XIRP2: variants seen among roughly 807,000 people sequenced by gnomAD.
XIRP2 encodes the protein xin actin-binding repeat-containing protein 2.
In XIRP2, 236 loss-of-function variants were observed where a neutral mutation model predicts 277.0. That is an observed-to-expected ratio of 0.85 (90% confidence interval 0.77 to 0.95). The LOEUF is 0.95. Ranked by LOEUF, XIRP2 falls within the 40% of genes least tolerant of loss-of-function variation. XIRP2 has a pLI of 0.00. For missense variants in XIRP2, 4,640 were observed against 4,157.5 expected, an observed-to-expected ratio of 1.12 and a Z score of -3.19; for synonymous variants, 1,490 against 1,416.5, an observed-to-expected ratio of 1.05 and a Z score of -1.17.
intron 2 of XIRP2, 150 bp from the exon 3 acceptor site, chr2:167,135,759 G>A (rs1691526630): frequency 1.4e-6 from 1 of 703,634 alleles, no homozygotes; most frequent in East Asian, 3.0e-5. Context: ...TCTTGGCAAA[G>A]TTATCAACAT....
intron 2 of XIRP2, among the ~76,000 whole-genome samples, chr2:166,960,183 A>G (rs1686265234): frequency 6.6e-6 from 1 of 151,700 alleles, no homozygotes; most frequent in South Asian, 2.1e-4. Context: ...GAATATCACA[A>G]CCTTGGAGGA....
intron 2 of XIRP2, among the ~76,000 whole-genome samples, chr2:166,974,331 A>G (rs1317451626): frequency 6.6e-6 from 1 of 152,176 alleles, no homozygotes; most frequent in East Asian, 1.9e-4. Flanking sequence ...TGCTCTAGAA[A>G]AAGGAATAAA....
chr2:167,232,351 C>A (rs1694782816), intron 5 of XIRP2, among the ~76,000 whole-genome samples: 1 of 151,832 alleles, frequency 6.6e-6, no homozygotes, highest in Non-Finnish European at 1.5e-5. Flanking sequence ...ATGTCAGGAG[C>A]CAGAATGGTT....
rs773622450 is a variant in XIRP2, at chr2:167,243,384, C to T, written c.1992C>T (p.Asp664=). Residue 664 remains aspartate, a synonymous_variant, in exon 9 of 11, where the codon GAC becomes GAT. Coordinates refer to ENST00000409195, the MANE Select transcript of XIRP2 (RefSeq NM_152381.6). ...GGATGTTTGAAACAAGGCCATTGGA[C>T]TCAATGAATAAAATGCATCAAAGTC... ...ARWMFETRPL[D]SMNKMHQSQE... 9.3e-6 allele frequency: 15 copies of T among 1,613,870 alleles called. No homozygotes were observed. The highest frequency in any genetic ancestry group is 1.2e-5 in the Non-Finnish European group (14 of 1,179,974).
chr2:167,156,237 G>GA (rs1309999292), intron 3 of XIRP2, among the ~76,000 whole-genome samples: 1 of 151,974 alleles, frequency 6.6e-6, no homozygotes, highest in Non-Finnish European at 1.5e-5. Context: ...CACAGAATTG[G>GA]AAAAAACTAC....
intron 2 of XIRP2, among the ~76,000 whole-genome samples, chr2:167,084,031 G>T (rs1359554450): frequency 6.6e-6 from 1 of 151,766 alleles, no homozygotes; most frequent in Non-Finnish European, 1.5e-5. Flanking sequence ...TTTTCAAAGG[G>T]AATGCTTCCA....
intron 2 of XIRP2, among the ~76,000 whole-genome samples, chr2:167,050,101 A>T (rs1195734565): frequency 1.3e-5 from 2 of 152,076 alleles, no homozygotes; most frequent in African/African-American, 4.8e-5. Context: ...CATGTGGAAC[A>T]GTATACTATT....
At chr2:167,227,484 T>A (rs1420394736) in intron 5 of XIRP2, among the ~76,000 whole-genome samples, 1 of 152,084 alleles carries the variant, frequency 6.6e-6, no homozygotes, top group Non-Finnish European at 1.5e-5. Context: ...GAGGATCGTT[T>A]GAGGCCAGGA....
At chr2:167,148,403 A>AAG (rs1553491586) in intron 3 of XIRP2, among the ~76,000 whole-genome samples, 1 of 122,392 alleles carries the variant, frequency 8.2e-6, no homozygotes, top group African/African-American at 3.2e-5. Context: ...GAAAGAAAGA[A>AAG]AAAGAAAGAA....
chr2:166,946,196 A>G (rs2105389307), intron 2 of XIRP2, among the ~76,000 whole-genome samples: 1 of 152,332 alleles, frequency 6.6e-6, no homozygotes, highest in African/African-American at 2.4e-5. Context: ...GCCATGAGCT[A>G]AAAGGAGAGT....
At chr2:167,220,589 A>C (rs1694393153) in intron 5 of XIRP2, among the ~76,000 whole-genome samples, 1 of 152,136 alleles carries the variant, frequency 6.6e-6, no homozygotes, top group Non-Finnish European at 1.5e-5. Flanking sequence ...ATTCTCATCC[A>C]AGTTTCCCCC....
At chr2:167,057,782 G>A (rs1356578009) in intron 2 of XIRP2, among the ~76,000 whole-genome samples, 2 of 151,972 alleles carry the variant, frequency 1.3e-5, no homozygotes, top group African/African-American at 2.4e-5. Flanking sequence ...AGAAATATAA[G>A]CCAAAACATA....
At chr2:167,144,056 A>T (rs921338139) in intron 3 of XIRP2, among the ~76,000 whole-genome samples, 16 of 152,050 alleles carry the variant, frequency 1.1e-4, no homozygotes. Context: ...ATTTAATTAT[A>T]AATTTTTAAC....
chr2:167,246,652 G>A lies in XIRP2; in HGVS notation c.5260G>A (p.Ala1754Thr). 1.2e-6 allele frequency: 2 copies of A among 1,613,728 alleles called. No individual in the cohort carries two copies. The highest frequency in any genetic ancestry group is 1.7e-6 in the Non-Finnish European group (2 of 1,179,808). The stretch of plus-strand genomic sequence containing the variant: ...TTTCACAACCTGCATAGAAGCTGGA[G>A]CTTTGGATTATCTGAAACAACTCCA... ...QFFTTCIEAGALDYLKQLHTE... is the reference protein window; with the variant it reads ...QFFTTCIEAGTLDYLKQLHTE... Residue 1754 changes from alanine to threonine, a missense_variant, in exon 9 of 11, where the codon GCT becomes ACT. Transcript: ENST00000409195.
intron 10 of XIRP2, among the ~76,000 whole-genome samples, chr2:167,255,642 T>G (rs1375995285): frequency 1.3e-5 from 2 of 151,862 alleles, no homozygotes; most frequent in African/African-American, 4.8e-5. Flanking sequence ...ATCTTCAGTT[T>G]CAGATCATAT....
chr2:167,203,051 C>T (rs1390143107), intron 3 of XIRP2, among the ~76,000 whole-genome samples: 3 of 152,176 alleles, frequency 2.0e-5, no homozygotes, highest in East Asian at 3.9e-4. Flanking sequence ...CTTTCACTTA[C>T]AAGGACCCTT....
chr2:167,168,828 A>T (rs1021011568), intron 3 of XIRP2, among the ~76,000 whole-genome samples: 7 of 152,030 alleles, frequency 4.6e-5, no homozygotes, highest in African/African-American at 1.2e-4. Flanking sequence ...GTTAGCCAGG[A>T]TGATCTCGAT....
chr2:167,118,039 A>C (rs534966163), intron 2 of XIRP2, among the ~76,000 whole-genome samples: 3 of 152,178 alleles, frequency 2.0e-5, no homozygotes, highest in Non-Finnish European at 4.4e-5. Flanking sequence ...TGGCTTTGGC[A>C]TACATATTTG....
intron 2 of XIRP2, among the ~76,000 whole-genome samples, chr2:166,939,679 C>CAAAAAAAAAAAAAAAAAAAACAAAAA (rs138977006): frequency 2.2e-5 from 2 of 90,650 alleles, no homozygotes; most frequent in South Asian, 3.2e-4. Flanking sequence ...GACTCCATCA[C>CAAAAAAAAAAAAAAAAAAAACAAAAA]AAAAAAAAAA....
Sources: allele counts gnomAD v4.1 joint callset (sites outside exome capture counted in the v4.1 genomes callset), GRCh38; gene constraint gnomAD v4.1.1; transcripts MANE v1.5; gene names NCBI Gene and HGNC (gene_info 2026-07-23, HGNC 2026-07-21).